ARNT: variants seen among roughly 807,000 people sequenced by gnomAD.
ARNT encodes class E basic helix-loop-helix protein 2.
In ARNT, 30 loss-of-function variants were observed where a neutral mutation model predicts 105.0. The observed-to-expected ratio is 0.29, with a 90% CI of 0.21 to 0.39. The LOEUF (loss-of-function observed/expected upper bound fraction) is 0.39. Among genes scored for constraint, ARNT ranks in the 10% least tolerant of loss-of-function variants. ARNT has a pLI of 1.00. For synonymous variants in ARNT, 304 were observed against 344.0 expected (o/e 0.88, Z 1.29); for missense variants, 748 against 978.7 (o/e 0.76, Z 3.15).
intron 19 of ARNT, among the ~76,000 whole-genome samples, chr1:150,815,831 T>C (rs1260943078): frequency 7.0e-6 from 1 of 143,858 alleles, no homozygotes; most frequent in Non-Finnish European, 1.5e-5. Flanking sequence ...ACCACTGCAC[T>C]CTAGCCTGGG....
At chr1:150,813,564 G>A (rs1446214877) in intron 20 of ARNT, among the ~76,000 whole-genome samples, 2 of 151,724 alleles carry the variant, frequency 1.3e-5, no homozygotes, top group Non-Finnish European at 2.9e-5. Context: ...GGTTAAATGT[G>A]CATACTATTA....
chr1:150,829,969 G>A lies in ARNT; in HGVS notation c.967C>T (p.Pro323Ser). The A allele has an allele frequency of 6.2e-7, 1 of 1,614,218 alleles. No individual in the cohort carries two copies. Among genetic ancestry groups the A allele is most frequent in the Non-Finnish European group, 8.5e-7 (1 of 1,180,046 alleles). ...KAWPPAGVSL[P>S]DDDPEAGQGS... ...TGGCCAGCCTCTGGGTCATCATCTG[G>A]GAGGGAAACACCTTCAGAAACGTGA... The change falls in exon 11 of 22, where the codon CCA (proline) becomes TCA (serine). Residue 323 changes from proline to serine, a missense_variant. This residue lies in a region of ARNT where 291 missense variants were observed against 444.6 expected (regional missense o/e 0.65). Transcript: ENST00000358595.
chr1:150,823,849 CTT>C (rs1243886298), intron 13 of ARNT, among the ~76,000 whole-genome samples: 1 of 122,934 alleles, frequency 8.1e-6, no homozygotes. Flanking sequence ...CGTGCCCAGA[CTT>C]TTTTTTTTTT....
intron 1 of ARNT, among the ~76,000 whole-genome samples, chr1:150,873,047 G>A (rs1667707572): frequency 3.3e-5 from 5 of 152,046 alleles, no homozygotes; most frequent in Admixed American, 3.3e-4. Flanking sequence ...CACTTTGGGA[G>A]GCCGAGGCAG....
chr1:150,855,910 T>C (rs1356725179), intron 2 of ARNT, among the ~76,000 whole-genome samples: 1 of 149,988 alleles, frequency 6.7e-6, no homozygotes, highest in Non-Finnish European at 1.5e-5. Flanking sequence ...GTCTCCGAAA[T>C]GTGTGTGTGT....
chr1:150,871,627 C>T (rs587768734), intron 1 of ARNT, among the ~76,000 whole-genome samples: 3 of 147,018 alleles, frequency 2.0e-5, no homozygotes, highest in East Asian at 4.2e-4. Context: ...AAACAGATGG[C>T]GGCGGAGCAT....
Position 150,817,637 on chromosome 1 carries a change from G to A in ARNT, c.1506-204C>T, listed in dbSNP as rs587738431. 5.3e-5 allele frequency among the ~76,000 whole-genome samples: 8 copies of A among 152,004 alleles called. No individual in the cohort carries two copies. The South Asian group carries it at 6.2e-4, about 12-fold the overall frequency. On this transcript the variant is annotated intron_variant, in intron 15 of 21. Coordinates refer to ENST00000358595, the MANE Select transcript of ARNT (RefSeq NM_001668.4). Reference sequence around the variant, plus strand: ...AGCCTGGCCAACATGGCAAAACCCCGTCTCTACTAAAAATACAAAAAATTA... The same window carrying A: ...AGCCTGGCCAACATGGCAAAACCCCATCTCTACTAAAAATACAAAAAATTA...
intron 5 of ARNT, 187 bp downstream of exon 5, chr1:150,842,237 A>G (rs745778724): frequency 2.0e-6 from 2 of 984,850 alleles, no homozygotes; most frequent in Non-Finnish European, 2.4e-6. Context: ...AGTTCCCTCA[A>G]CTCACCCACT....
intron 1 of ARNT, among the ~76,000 whole-genome samples, chr1:150,866,799 T>C (rs908991463): frequency 6.6e-6 from 1 of 151,998 alleles, no homozygotes; most frequent in African/African-American, 2.4e-5. Context: ...TTCCTTAGCC[T>C]GGGGAAATGA....
At chr1:150,874,372 A>C (rs1403223944) in intron 1 of ARNT, among the ~76,000 whole-genome samples, 3 of 152,248 alleles carry the variant, frequency 2.0e-5, no homozygotes, top group African/African-American at 7.2e-5. Flanking sequence ...ATAAGTCAGA[A>C]GAGATGGAAT....
At chr1:150,828,994 T>G in intron 12 of ARNT, 99 bp downstream of exon 12, 11 of 1,381,444 alleles carry the variant, frequency 8.0e-6, no homozygotes, top group Non-Finnish European at 1.1e-5. Context: ...TTTTCTTAAC[T>G]GAGGTTGATA....
intron 14 of ARNT, among the ~76,000 whole-genome samples, chr1:150,822,542 G>A (rs1419512442): frequency 4.6e-5 from 7 of 152,200 alleles, no homozygotes; most frequent in African/African-American, 9.6e-5. Context: ...GGAGATCCCC[G>A]GAGGGTAGCC....
chr1:150,862,625 C>T (rs2102356494), intron 1 of ARNT, among the ~76,000 whole-genome samples: 1 of 148,722 alleles, frequency 6.7e-6, no homozygotes, highest in Admixed American at 6.8e-5. Flanking sequence ...CCTATAATCC[C>T]AGCACTTTGG....
At chr1:150,873,460 C>A (rs1462636152) in intron 1 of ARNT, among the ~76,000 whole-genome samples, 1 of 152,032 alleles carries the variant, frequency 6.6e-6, no homozygotes, top group East Asian at 1.9e-4. Flanking sequence ...GAAAAAAAAT[C>A]ATCACAGAAC....
At chr1:150,831,169 A>C (rs1486671199) in intron 10 of ARNT, among the ~76,000 whole-genome samples, 6 of 152,224 alleles carry the variant, frequency 3.9e-5, no homozygotes, top group Non-Finnish European at 5.9e-5. Flanking sequence ...TCCAAAGTTT[A>C]ACCTTTTTCC....
rs1048191060 is a variant in ARNT, at chr1:150,855,718, G to A, written c.137+2631C>T. ...GGAGTTTTAGACCAGCCTGGTCAAC[G>A]TAGTGAGACCATGTCTTTAAAAAAA... is the stretch of plus-strand genomic sequence containing the variant. On this transcript the variant is annotated intron_variant, in intron 2 of 21. Transcript: ENST00000358595. Among the ~76,000 whole-genome samples, 24 of 150,576 alleles carry A rather than the reference G, an allele frequency of 1.6e-4. 1 individual carries two copies. Among genetic ancestry groups the A allele is most frequent in the Admixed American group, 1.4e-3 (21 of 15,070 alleles).
chr1:150,849,462 T>C (rs1662900297), intron 3 of ARNT, among the ~76,000 whole-genome samples: 1 of 152,134 alleles, frequency 6.6e-6, no homozygotes. Flanking sequence ...CCCCCTTTTC[T>C]GAAAGAACTC....
chr1:150,857,250 T>C (rs899943913), intron 2 of ARNT, among the ~76,000 whole-genome samples: 1 of 152,224 alleles, frequency 6.6e-6, no homozygotes, highest in African/African-American at 2.4e-5. Context: ...CCATTTTAAA[T>C]ATACTATGAC....
chr1:150,818,035 G>A lies in ARNT; in HGVS notation c.1395-5C>T, dbSNP rs780514300. 2 of 1,586,470 alleles carry A rather than the reference G, an allele frequency of 1.3e-6. No homozygotes were observed. The highest frequency in any genetic ancestry group is 1.7e-6 in the Non-Finnish European group (2 of 1,162,274). ...CGTGGTTCTTGGCTAGAGTTCCTAG[G>A]AAACCAGAGTAGACAGTAAAGAGGG... On this transcript the variant is annotated splice_region_variant and splice_polypyrimidine_tract_variant and intron_variant, in intron 14 of 21. Transcript: ENST00000358595.
Sources: allele counts gnomAD v4.1 joint callset (sites outside exome capture counted in the v4.1 genomes callset), GRCh38; gene constraint gnomAD v4.1.1; regional missense constraint gnomAD v4.1.1; transcripts MANE v1.5; gene names NCBI Gene and HGNC (gene_info 2026-07-23, HGNC 2026-07-21).